Variants in ZNF146 observed in about 807,000 individuals in gnomAD.
ZNF146 encodes the protein zinc finger protein OZF.
A neutral mutation model predicts 22.2 loss-of-function variants in ZNF146; 9 were observed. That is an observed-to-expected ratio of 0.41 (90% CI 0.24 to 0.71). The LOEUF (loss-of-function observed/expected upper bound fraction) is 0.71. Ranked by LOEUF, ZNF146 falls within the 30% of genes least tolerant of loss-of-function variation. ZNF146 has a pLI of 0.34. For missense variants in ZNF146, 194 were observed against 344.8 expected (o/e 0.56, Z 3.46); for synonymous variants, 108 against 119.2 (o/e 0.91, Z 0.61).
At position 36,237,324 on chromosome 19, in the gene ZNF146, C is replaced by G; in HGVS notation, c.*5C>G. On this transcript the variant is annotated 3_prime_UTR_variant, in exon 4 of 4. Transcript: ENST00000443387. The stretch of plus-strand genomic sequence containing the variant: ...CAGAAAATTCATACTCACTAAAAAC[C>G]CCATGAAAGCCTTGAAAGTGGGAAA... 1 of 1,579,406 alleles carries G rather than the reference C, an allele frequency of 6.3e-7. No individual in the cohort carries two copies. Among genetic ancestry groups the G allele is most frequent in the Non-Finnish European group, 8.6e-7 (1 of 1,163,856 alleles).
intron 2 of ZNF146, among the ~76,000 whole-genome samples, chr19:36,223,160 T>G (rs992548728): frequency 1.3e-4 from 20 of 151,736 alleles, no homozygotes; most frequent in Admixed American, 2.6e-4. Flanking sequence ...CTCACGCCTG[T>G]AATCCCAGCA....
At chr19:36,232,194 CAAA>C (rs35069898) in intron 3 of ZNF146, among the ~76,000 whole-genome samples, 7 of 108,926 alleles carry the variant, frequency 6.4e-5, no homozygotes, top group Non-Finnish European at 3.8e-5. Context: ...GACTCCATCT[CAAA>C]AAAAAAAAAA....
At chr19:36,226,912 C>T (rs893694728) in intron 2 of ZNF146, among the ~76,000 whole-genome samples, 47 of 151,716 alleles carry the variant, frequency 3.1e-4, no homozygotes, top group Admixed American at 2.6e-3. Context: ...AGAGAAACTC[C>T]GTCTCTACTG....
chr19:36,219,861 A>G (rs188988026), intron 2 of ZNF146, among the ~76,000 whole-genome samples: 2 of 152,348 alleles, frequency 1.3e-5, no homozygotes, highest in East Asian at 3.9e-4. Context: ...CTGGAAGTAT[A>G]GTCTTAATTT....
Position 36,236,227 on chromosome 19 carries a change from G to A in ZNF146, c.-214G>A. The A allele has an allele frequency of 5.7e-6, 3 of 527,366 alleles. No homozygotes were observed. The highest frequency in any genetic ancestry group is 9.4e-6 in the Non-Finnish European group (3 of 318,108). The allele number at this position is 527,366 out of a possible 1,614,324, so 32.7% of individuals were successfully genotyped here. A position where few individuals can be genotyped will look rare whatever the true frequency, so the allele number is the denominator to read the frequency against. The stretch of plus-strand genomic sequence containing the variant: ...GGTAGCAATACTTCATTGAATATTA[G>A]AAAATTTTTCTAGAGAGAAAGCATT... On this transcript the variant is annotated 5_prime_UTR_variant, in exon 4 of 4. Transcript: ENST00000443387.
intron 3 of ZNF146, among the ~76,000 whole-genome samples, chr19:36,229,300 T>C (rs750528022): frequency 3.3e-4 from 50 of 152,232 alleles, no homozygotes; most frequent in Non-Finnish European, 6.3e-4. Context: ...CATGGACTCC[T>C]CTGCCTACCT....
intron 1 of ZNF146, among the ~76,000 whole-genome samples, chr19:36,215,464 C>A (rs1976560624): frequency 6.6e-6 from 1 of 152,060 alleles, no homozygotes; most frequent in Non-Finnish European, 1.5e-5. Flanking sequence ...TGTAGGAGAC[C>A]AGCATTGAGG....
At chr19:36,234,043 G>C (rs1324417534) in intron 3 of ZNF146, among the ~76,000 whole-genome samples, 1 of 152,162 alleles carries the variant, frequency 6.6e-6, no homozygotes, top group African/African-American at 2.4e-5. Context: ...CTTCTGTAGT[G>C]TGTTGTGTCT....
chr19:36,222,780 T>G (rs1245038846), intron 2 of ZNF146, among the ~76,000 whole-genome samples: 3 of 15,066 alleles, frequency 2.0e-4, no homozygotes, highest in Non-Finnish European at 3.0e-4. Flanking sequence ...AGTGGTGGCT[T>G]TTTTTTTTTT....
chr19:36,229,683 T>C (rs1977239947), intron 3 of ZNF146, among the ~76,000 whole-genome samples: 1 of 152,226 alleles, frequency 6.6e-6, no homozygotes, highest in Non-Finnish European at 1.5e-5. Context: ...GTACATAAGT[T>C]TTTTTCTTAG....
Position 36,237,584 on chromosome 19 carries a change from A to C in ZNF146, c.*265A>C, listed in dbSNP as rs930334981. ...CACTAAAAGTGGGAACAGAAAATGG[A>C]GGCCTGTTTTTTATTGCTACCACCA... On this transcript the variant is annotated 3_prime_UTR_variant, in exon 4 of 4. Coordinates refer to ENST00000443387, the MANE Select transcript of ZNF146 (RefSeq NM_007145.3). 3.3e-6 allele frequency: 1 copy of C among 302,980 alleles called. No homozygotes were observed. Among genetic ancestry groups the C allele is most frequent in the Non-Finnish European group, 6.4e-6 (1 of 156,358 alleles). 18.8% of individuals were successfully genotyped at this position (302,980 alleles called of 1,614,324 possible).
chr19:36,223,502 A>G (rs531740579), intron 2 of ZNF146, among the ~76,000 whole-genome samples: 1 of 152,010 alleles, frequency 6.6e-6, no homozygotes, highest in African/African-American at 2.4e-5. Flanking sequence ...AGCTGGGACT[A>G]CAGGCGCATG....
intron 3 of ZNF146, among the ~76,000 whole-genome samples, chr19:36,231,021 G>A (rs987192701): frequency 1.3e-5 from 2 of 151,892 alleles, no homozygotes; most frequent in African/African-American, 4.8e-5. Context: ...GGGCTTATAT[G>A]TATATATATT....
At chr19:36,217,064 T>C (rs1438978966) in intron 1 of ZNF146, among the ~76,000 whole-genome samples, 1 of 132,610 alleles carries the variant, frequency 7.5e-6, no homozygotes, top group African/African-American at 2.8e-5. Flanking sequence ...TCTTTTTTTT[T>C]TTTTTTTTTT....
At chr19:36,225,423 T>C (rs999778465) in intron 2 of ZNF146, among the ~76,000 whole-genome samples, 2 of 152,212 alleles carry the variant, frequency 1.3e-5, no homozygotes, top group Admixed American at 1.3e-4. Context: ...TGTGGTCTAT[T>C]TATAGCTTTG....
intron 2 of ZNF146, among the ~76,000 whole-genome samples, chr19:36,219,366 T>C (rs975887299): frequency 1.3e-5 from 2 of 152,172 alleles, no homozygotes; most frequent in South Asian, 2.1e-4. Context: ...AGTCTTACTA[T>C]GTTGCCCAGG....
At chr19:36,215,820 C>T (rs74852138) in intron 1 of ZNF146, among the ~76,000 whole-genome samples, 2 of 152,140 alleles carry the variant, frequency 1.3e-5, no homozygotes, top group Admixed American at 6.5e-5. Flanking sequence ...TCCCATATAA[C>T]GGCGCCCAGG....
In ZNF146 at chr19:36,236,362, C is replaced by T; in HGVS notation, c.-79C>T. 2.0e-6 allele frequency: 3 copies of T among 1,491,452 alleles called. No individual in the cohort carries two copies. Among genetic ancestry groups the T allele is most frequent in the Non-Finnish European group, 2.7e-6 (3 of 1,112,502 alleles). The allele number at this position is 1,491,452 out of a possible 1,614,324, so 92.4% of individuals were successfully genotyped here. On this transcript the variant is annotated 5_prime_UTR_variant, in exon 4 of 4. An upstream open reading frame in the 5' UTR gains an earlier in-frame stop. Coordinates refer to ENST00000443387, the MANE Select transcript of ZNF146 (RefSeq NM_007145.3). ...AATGTAAGAGATGTGGAAATATCTT[C>T]AGCCAAAAGTAAATCCTCACTCATC...
At chr19:36,223,014 G>C (rs181088122) in intron 2 of ZNF146, among the ~76,000 whole-genome samples, 36 of 152,082 alleles carry the variant, frequency 2.4e-4, no homozygotes, top group Middle Eastern at 3.4e-3. Flanking sequence ...CAGTCTCACT[G>C]TGTTGCACAG....
Sources: allele counts gnomAD v4.1 joint callset (sites outside exome capture counted in the v4.1 genomes callset), GRCh38; gene constraint gnomAD v4.1.1; transcripts MANE v1.5; gene names NCBI Gene and HGNC (gene_info 2026-07-23, HGNC 2026-07-21).